CHMP4B: variants seen among roughly 807,000 people sequenced by gnomAD.
CHMP4B encodes the protein SNF7 homolog associated with Alix 1.
In CHMP4B, 1 loss-of-function variant was observed where a neutral mutation model predicts 25.1. The observed-to-expected ratio is 0.04, with a 90% CI of 0.01 to 0.19. The LOEUF (loss-of-function observed/expected upper bound fraction) is 0.19. CHMP4B is among the 10% of genes least tolerant of loss of function. The pLI is 1.00. For missense variants in CHMP4B, 151 were observed against 289.7 expected (o/e 0.52, Z 3.48); for synonymous variants, 101 against 115.6 (o/e 0.87, Z 0.81).
intron 2 of CHMP4B, among the ~76,000 whole-genome samples, chr20:33,850,717 T>C (rs1214223647): frequency 6.6e-6 from 1 of 152,268 alleles, no homozygotes; most frequent in African/African-American, 2.4e-5. Flanking sequence ...GTGCCACCTG[T>C]AGGGTGTTGG....
chr20:33,848,692 A>G, intron 2 of CHMP4B, 48 bp downstream of exon 2: 3 of 1,603,600 alleles, frequency 1.9e-6, no homozygotes, highest in Non-Finnish European at 2.6e-6. Context: ...TAGTCCCGGA[A>G]TGCCTCGTAC....
intron 1 of CHMP4B, among the ~76,000 whole-genome samples, chr20:33,815,835 A>G (rs6119407): frequency 0.32 from 49,336 of 152,116 alleles, 8,309 homozygotes; most frequent in East Asian, 0.58. Flanking sequence ...GTTTACTCCC[A>G]TGATGACTAA....
chr20:33,849,662 A>T (rs1019583655), intron 2 of CHMP4B, among the ~76,000 whole-genome samples: 1 of 152,178 alleles, frequency 6.6e-6, no homozygotes, highest in East Asian at 1.9e-4. Flanking sequence ...ATTTGGCAGC[A>T]TATATTTGGG....
Position 33,854,128 on chromosome 20 carries a change from C to T in CHMP4B, c.*568C>T, listed in dbSNP as rs1038180352. ...TTACCACTCTGGCCCACTCCTCACC[C>T]CCTTGCTCCCCTGGTCTTCTGGAGT... On this transcript the variant is annotated 3_prime_UTR_variant, in exon 5 of 5. Transcript: ENST00000217402. The T allele has an allele frequency of 1.9e-5, 3 of 157,568 alleles. No individual in the cohort carries two copies. Among genetic ancestry groups the T allele is most frequent in the African/African-American group, 7.2e-5 (3 of 41,480 alleles). 9.8% of individuals were successfully genotyped at this position (157,568 alleles called of 1,614,324 possible).
chr20:33,833,855 C>G (rs748442236), intron 1 of CHMP4B, among the ~76,000 whole-genome samples: 6 of 152,232 alleles, frequency 3.9e-5, no homozygotes, highest in Non-Finnish European at 5.9e-5. Context: ...TTGTCCATAT[C>G]TGCTGGCCTG....
chr20:33,844,820 G>A (rs574695827), intron 1 of CHMP4B, among the ~76,000 whole-genome samples: 2 of 149,860 alleles, frequency 1.3e-5, no homozygotes, highest in Admixed American at 6.7e-5. Flanking sequence ...GTGCAGTGTC[G>A]TGATCTCGGT....
intron 1 of CHMP4B, among the ~76,000 whole-genome samples, chr20:33,816,597 G>GA (rs936823947): frequency 2.0e-5 from 3 of 151,316 alleles, no homozygotes; most frequent in African/African-American, 4.8e-5. Context: ...GAACATGTGG[G>GA]AAAAAAAAGA....
rs142566236 is a variant in CHMP4B, at chr20:33,839,673, G to A, written c.191-8794G>A. Among the ~76,000 whole-genome samples, 437 of 152,320 alleles carry A rather than the reference G, an allele frequency of 2.9e-3. 3 individuals are homozygous for A. The highest frequency in any genetic ancestry group is 9.4e-3 in the African/African-American group (391 of 41,564). ...GCTGCTAACTTGTGGGGTCCATGGGGAGGGGAAGGCCTTCAGGGCTTTCAG... is the reference window on the plus strand; with the variant it reads ...GCTGCTAACTTGTGGGGTCCATGGGAAGGGGAAGGCCTTCAGGGCTTTCAG... On this transcript the variant is annotated intron_variant, in intron 1 of 4. Coordinates refer to ENST00000217402, the MANE Select transcript of CHMP4B (RefSeq NM_176812.5).
rs1226277351 is a variant in CHMP4B, at chr20:33,811,467, C to G, written c.-2C>G. ...CGAAGGCCGGCGCGGCGAGCAGCAA[C>G]CATGTCGGTGTTCGGGAAGCTGTTC... On this transcript the variant is annotated 5_prime_UTR_variant, in exon 1 of 5. Transcript: ENST00000217402. The G allele has an allele frequency of 6.5e-7, 1 of 1,547,946 alleles. No homozygotes were observed. Among genetic ancestry groups the G allele is most frequent in the African/African-American group, 1.4e-5 (1 of 73,222 alleles).
intron 1 of CHMP4B, among the ~76,000 whole-genome samples, chr20:33,832,652 G>A (rs1348721583): frequency 1.3e-5 from 2 of 152,112 alleles, no homozygotes; most frequent in Non-Finnish European, 2.9e-5. Context: ...AAGGCCCTGA[G>A]GTAGTCTCTG....
Position 33,853,773 on chromosome 20 carries a change from G to GGGAA in CHMP4B, c.*213_*214insGGAA. 1 of 25,270 alleles carries GGGAA rather than the reference G, an allele frequency of 4.0e-5. No individual in the cohort carries two copies. Among genetic ancestry groups the GGGAA allele is most frequent in the Non-Finnish European group, 7.6e-5 (1 of 13,100 alleles). The allele number at this position is 25,270 out of a possible 1,614,324, so 1.6% of individuals were successfully genotyped here. The stretch of plus-strand genomic sequence containing the variant: ...GGGGGGAGGGGGGCGGGCGGGGTGG[G>GGGAA]AAGTGCCTGCTGTTTATAATGTTGA... On this transcript the variant is annotated 3_prime_UTR_variant, in exon 5 of 5. Transcript: ENST00000217402.
chr20:33,828,240 G>C (rs1380761512), intron 1 of CHMP4B, among the ~76,000 whole-genome samples: 1 of 152,176 alleles, frequency 6.6e-6, no homozygotes, highest in Non-Finnish European at 1.5e-5. Flanking sequence ...CAGGCCCAGA[G>C]AGGTTAGGTG....
intron 2 of CHMP4B, among the ~76,000 whole-genome samples, chr20:33,849,417 A>G (rs1395462628): frequency 3.3e-5 from 5 of 152,002 alleles, no homozygotes; most frequent in Non-Finnish European, 7.4e-5. Context: ...TGGCCAACAT[A>G]GTTGAAACCC....
chr20:33,848,908 C>T (rs1022000982), intron 2 of CHMP4B, among the ~76,000 whole-genome samples: 1 of 152,186 alleles, frequency 6.6e-6, no homozygotes, highest in Non-Finnish European at 1.5e-5. Context: ...TTAGAAGGTC[C>T]TCTTGTCCAG....
At chr20:33,842,277 A>C (rs919999766) in intron 1 of CHMP4B, among the ~76,000 whole-genome samples, 5 of 152,036 alleles carry the variant, frequency 3.3e-5, no homozygotes, top group African/African-American at 7.2e-5. Flanking sequence ...AGATCAGACA[A>C]GATTGGGCAT....
At chr20:33,827,976 G>A (rs1979139310) in intron 1 of CHMP4B, among the ~76,000 whole-genome samples, 1 of 152,206 alleles carries the variant, frequency 6.6e-6, no homozygotes, top group African/African-American at 2.4e-5. Context: ...GTCAGAAAGA[G>A]CAGCGGGCTT....
At chr20:33,844,465 G>A (rs905827337) in intron 1 of CHMP4B, among the ~76,000 whole-genome samples, 24 of 152,148 alleles carry the variant, frequency 1.6e-4, no homozygotes, top group Admixed American at 6.5e-5. Flanking sequence ...ATGGGCTCTT[G>A]GTTTCCTCCC....
At chr20:33,822,955 AT>A (rs1978985586) in intron 1 of CHMP4B, among the ~76,000 whole-genome samples, 1 of 151,374 alleles carries the variant, frequency 6.6e-6, no homozygotes, top group African/African-American at 2.4e-5. Context: ...CGCCGGGCTA[AT>A]TTTTTGTATT....
At chr20:33,849,712 C>A (rs1277159211) in intron 2 of CHMP4B, among the ~76,000 whole-genome samples, 1 of 152,208 alleles carries the variant, frequency 6.6e-6, no homozygotes, top group African/African-American at 2.4e-5. Context: ...GGGTACTCAG[C>A]TGTGCTGTCC....
Sources: gnomAD v4.1 joint callset for allele counts (sites outside exome capture counted in the v4.1 genomes callset) on GRCh38, gnomAD v4.1.1 for gene constraint, MANE v1.5 for transcripts, NCBI Gene and HGNC (gene_info 2026-07-23, HGNC 2026-07-21) for gene names.